The following CTNNA2 variants were observed in gnomAD, a reference collection of about 807,000 sequenced individuals.
CTNNA2 encodes catenin alpha-2.
CTNNA2 carries 42 observed loss-of-function variants against 101.0 expected under a neutral mutation model. The ratio of observed to expected loss-of-function variants is 0.42; its 90% CI spans 0.32 to 0.54. The LOEUF (loss-of-function observed/expected upper bound fraction) is 0.54, where lower values mean the gene tolerates loss of function less well. CTNNA2 is among the 20% of genes least tolerant of loss of function. The pLI is 0.14. For synonymous variants in CTNNA2, 450 were observed against 456.4 expected (o/e 0.99, Z 0.18); for missense variants, 871 against 1,223.1 (o/e 0.71, Z 4.29).
chr2:80,169,438 C>A (rs1399491495), intron 7 of CTNNA2, among the ~76,000 whole-genome samples: 1 of 152,110 alleles, frequency 6.6e-6, no homozygotes. Flanking sequence ...TAAAGGTATA[C>A]GTGTTACAAA....
chr2:79,917,366 C>T (rs982664129), intron 7 of CTNNA2, among the ~76,000 whole-genome samples: 1 of 152,118 alleles, frequency 6.6e-6, no homozygotes. Flanking sequence ...CCGTGCCTGG[C>T]CTTTAAATTT....
intron 4 of CTNNA2, among the ~76,000 whole-genome samples, chr2:79,398,646 C>T (rs1348182466): frequency 2.6e-5 from 4 of 151,718 alleles, no homozygotes; most frequent in Non-Finnish European, 5.9e-5. Context: ...CTGAATGACA[C>T]TAGAAAATTT....
intron 7 of CTNNA2, among the ~76,000 whole-genome samples, chr2:79,945,826 A>G (rs921730247): frequency 3.2e-4 from 49 of 152,178 alleles, no homozygotes; most frequent in African/African-American, 8.7e-4. Context: ...CAAGAATCCA[A>G]TGGTCAAGAC....
intron 9 of CTNNA2, among the ~76,000 whole-genome samples, chr2:80,535,658 T>C (rs143248579): frequency 6.6e-6 from 1 of 152,254 alleles, no homozygotes; most frequent in African/African-American, 2.4e-5. Context: ...ATAGAGGTCA[T>C]TTAAAACAGA....
intron 1 of CTNNA2, among the ~76,000 whole-genome samples, chr2:79,600,805 C>T (rs1677504478): frequency 6.6e-6 from 1 of 152,050 alleles, no homozygotes; most frequent in Non-Finnish European, 1.5e-5. Context: ...TGAGGGCACT[C>T]TTTCTGGTTT....
intron 2 of CTNNA2, among the ~76,000 whole-genome samples, chr2:79,712,556 A>G (rs1004141842): frequency 2.0e-5 from 3 of 152,154 alleles, no homozygotes; most frequent in African/African-American, 7.2e-5. Context: ...GGGATGAGGC[A>G]GTAGGATGAG....
intron 7 of CTNNA2, among the ~76,000 whole-genome samples, chr2:80,226,916 A>G (rs1708920444): frequency 6.6e-6 from 1 of 151,782 alleles, no homozygotes; most frequent in African/African-American, 2.4e-5. Flanking sequence ...CTTCACTTTT[A>G]TTTCATTTCC....
intron 9 of CTNNA2, among the ~76,000 whole-genome samples, chr2:80,495,606 G>A (rs2149524094): frequency 6.6e-6 from 1 of 152,250 alleles, no homozygotes; most frequent in African/African-American, 2.4e-5. Context: ...GGAGTAGGTT[G>A]GGCCCTTAAA....
At chr2:79,365,575 A>T (rs1461570905) in intron 3 of CTNNA2, among the ~76,000 whole-genome samples, 4 of 150,066 alleles carry the variant, frequency 2.7e-5, no homozygotes, top group African/African-American at 7.4e-5. Flanking sequence ...GTGGTGAGCT[A>T]TGATGGCACC....
chr2:79,210,612 A>G (rs1674159383), intron 2 of CTNNA2, among the ~76,000 whole-genome samples: 1 of 151,872 alleles, frequency 6.6e-6, no homozygotes, highest in South Asian at 2.1e-4. Context: ...ATGGGAGGAG[A>G]GGATATTTGG....
At chr2:79,289,483 C>A (rs1675730531) in intron 2 of CTNNA2, among the ~76,000 whole-genome samples, 2 of 152,132 alleles carry the variant, frequency 1.3e-5, no homozygotes, top group Non-Finnish European at 2.9e-5. Flanking sequence ...GCAACCAGGC[C>A]AGGCGTGGTG....
chr2:79,713,849 G>A (rs1022760808), intron 2 of CTNNA2, among the ~76,000 whole-genome samples: 2 of 152,132 alleles, frequency 1.3e-5, no homozygotes, highest in African/African-American at 2.4e-5. Flanking sequence ...TATTACTTAC[G>A]CCCAAGGTGA....
chr2:80,319,197 T>G (rs1035851923), intron 7 of CTNNA2, among the ~76,000 whole-genome samples: 3 of 152,148 alleles, frequency 2.0e-5, no homozygotes, highest in Non-Finnish European at 4.4e-5. Flanking sequence ...AAAAACATAA[T>G]TTTCTAAAAG....
At chr2:79,968,280 G>A (rs1690222445) in intron 7 of CTNNA2, among the ~76,000 whole-genome samples, 2 of 152,120 alleles carry the variant, frequency 1.3e-5, no homozygotes, top group South Asian at 4.1e-4. Context: ...TGCTCTATGT[G>A]TTGGTCATTT....
chr2:80,495,515 A>C (rs1010496004), intron 9 of CTNNA2, among the ~76,000 whole-genome samples: 1 of 152,222 alleles, frequency 6.6e-6, no homozygotes, highest in Non-Finnish European at 1.5e-5. Context: ...GAAATATTGA[A>C]GTATTAACCC....
chr2:80,551,538 C>G (rs776852493), intron 11 of CTNNA2, among the ~76,000 whole-genome samples: 1 of 152,350 alleles, frequency 6.6e-6, no homozygotes, highest in Admixed American at 6.5e-5. Flanking sequence ...TACATCAGCA[C>G]TTGCTGGTTT....
In CTNNA2 at chr2:79,797,875, T is replaced by C. The variant is rs761329359; in HGVS notation, c.298+53293T>C. ...CACTGTTCTCTGGGGTGGATTTTAT[T>C]AAATGAATCATTTATTCTTCATTAT... On this transcript the variant is annotated intron_variant, in intron 3 of 18. Transcript: ENST00000402739. Among the ~76,000 whole-genome samples, 3 of 152,266 alleles carry C rather than the reference T, an allele frequency of 2.0e-5. No individual in the cohort carries two copies. In the South Asian group the frequency reaches 6.2e-4, roughly 32 times the overall value.
At chr2:79,789,596 C>T (rs775579004) in intron 3 of CTNNA2, among the ~76,000 whole-genome samples, 20 of 151,946 alleles carry the variant, frequency 1.3e-4, no homozygotes, top group Admixed American at 7.2e-4. Context: ...TCATAATTAG[C>T]GCTCAGGGGC....
intron 2 of CTNNA2, among the ~76,000 whole-genome samples, chr2:79,733,209 A>G (rs1372934228): frequency 6.6e-6 from 1 of 152,114 alleles, no homozygotes; most frequent in African/African-American, 2.4e-5. Context: ...AAAGATTTGC[A>G]AGTCATAATT....
Sources: gnomAD v4.1 joint callset for allele counts (sites outside exome capture counted in the v4.1 genomes callset) on GRCh38, gnomAD v4.1.1 for gene constraint, MANE v1.5 for transcripts, NCBI Gene and HGNC (gene_info 2026-07-23, HGNC 2026-07-21) for gene names.